Variants in WBP2 observed in about 807,000 individuals in gnomAD.
WBP2 encodes WW domain-binding protein 2.
Under a neutral mutation model 33.0 loss-of-function variants are expected in WBP2, and 23 were observed. The ratio of observed to expected loss-of-function variants is 0.70; its 90% confidence interval spans 0.50 to 0.99. WBP2 has a LOEUF of 0.99. Ranked by LOEUF, WBP2 falls within the 50% of genes least tolerant of loss-of-function variation. The probability of loss-of-function intolerance (pLI) is 0.00; values close to 1 mark genes in which losing one functional copy is unlikely to be tolerated. For missense variants in WBP2, 353 were observed against 358.0 expected (o/e 0.99, Z 0.11); for synonymous variants, 153 against 133.5 (o/e 1.15, Z -1.01).
At position 75,851,598 on chromosome 17, in the gene WBP2, C is replaced by G; in HGVS notation, c.138G>C (p.Lys46Asn). 1 of 1,613,808 alleles carries G rather than the reference C, an allele frequency of 6.2e-7. No homozygotes were observed. Residue 46 changes from lysine (K) to asparagine (N), a missense_variant, in exon 2 of 8, where the codon AAG becomes AAC. Physicochemically the swap from Lys to Asn is moderately conservative, Grantham distance 94. Coordinates refer to ENST00000254806, the MANE Select transcript of WBP2 (RefSeq NM_012478.4). ...KNVPEAFKGT[K>N]KGTVYLTPYR... ...AAGGGGTAAGGTAGACAGTGCCTTT[C>G]TTGGTCCCTTTGAAGGCTTCTGGCA...
intron 5 of WBP2, 34 bp downstream of exon 5, chr17:75,847,762 T>C (rs2065003386): frequency 6.5e-7 from 1 of 1,536,172 alleles, no homozygotes; most frequent in African/African-American, 1.4e-5. Context: ...GGTGGGCTCA[T>C]GAGGGGAGTG....
Position 75,847,876 on chromosome 17 carries a change from C to A in WBP2, c.452G>T (p.Gly151Val). ...GACTGGCGGGGGATAGACATAGGCC[C>A]CGCTGGGCATGTAAGAGTAGCCATA... ...GAYGYSYMPS[G>V]AYVYPPPVAN... is the part of the protein sequence containing the mutation. The change falls in exon 5 of 8, where the codon GGG becomes GTG. Residue 151 changes from glycine to valine, a missense_variant. Gly to Val is a moderately radical substitution (Grantham distance 109). Transcript: ENST00000254806. 6.4e-7 allele frequency: 1 copy of A among 1,556,642 alleles called. No individual in the cohort carries two copies.
intron 4 of WBP2, 75 bp from the exon 5 acceptor site, chr17:75,848,005 G>T (rs987688749): frequency 6.5e-7 from 1 of 1,531,402 alleles, no homozygotes; most frequent in Non-Finnish European, 8.9e-7. Context: ...GCTGCCTGCA[G>T]ATGGGAGCTA....
Position 75,849,597 on chromosome 17 carries a change from C to T in WBP2, c.304+7G>A, listed in dbSNP as rs1567826480. The T allele has an allele frequency of 1.9e-6, 3 of 1,613,930 alleles. No individual in the cohort carries two copies. Among genetic ancestry groups the T allele is most frequent in the African/African-American group, 1.3e-5 (1 of 75,062 alleles). On this transcript the variant is annotated splice_region_variant and intron_variant, in intron 3 of 7. Transcript: ENST00000254806. ...CCCATGCGTGTCCCTGAGTTCCCATCACCTACCTCCCGCTTCCGCCTTCAC... is the reference window on the plus strand; with the variant it reads ...CCCATGCGTGTCCCTGAGTTCCCATTACCTACCTCCCGCTTCCGCCTTCAC...
At chr17:75,849,469 G>C in intron 3 of WBP2, 135 bp downstream of exon 3, 2 of 1,129,236 alleles carry the variant, frequency 1.8e-6, no homozygotes, top group South Asian at 3.1e-5. Flanking sequence ...CCCACCAGCT[G>C]GCAGCCCAGA....
chr17:75,851,599 T>C lies in WBP2; in HGVS notation c.137A>G (p.Lys46Arg). Reference sequence around the variant, plus strand: ...AGGGGTAAGGTAGACAGTGCCTTTCTTGGTCCCTTTGAAGGCTTCTGGCAC... The same window carrying C: ...AGGGGTAAGGTAGACAGTGCCTTTCCTGGTCCCTTTGAAGGCTTCTGGCAC... ...KNVPEAFKGT[K>R]KGTVYLTPYR... The change falls in exon 2 of 8, where the codon AAG becomes AGG. Residue 46 changes from lysine (K) to arginine (R), a missense_variant. By Grantham distance (26) the Lys-to-Arg change is conservative. Transcript: ENST00000254806. 1 of 1,613,840 alleles carries C rather than the reference T, an allele frequency of 6.2e-7. No individual in the cohort carries two copies. Among genetic ancestry groups the C allele is most frequent in the Non-Finnish European group, 8.5e-7 (1 of 1,179,780 alleles).
chr17:75,853,643 C>T (rs1345444892), intron 1 of WBP2, among the ~76,000 whole-genome samples: 1 of 152,108 alleles, frequency 6.6e-6, no homozygotes, highest in Non-Finnish European at 1.5e-5. Flanking sequence ...TGAGGTGTCT[C>T]TGATTACATG....
At position 75,848,678 on chromosome 17, in the gene WBP2, C is replaced by G. The variant is rs780385071; in HGVS notation, c.305-16G>C. On this transcript the variant is annotated splice_polypyrimidine_tract_variant and intron_variant, in intron 3 of 7. Coordinates refer to ENST00000254806, the MANE Select transcript of WBP2 (RefSeq NM_012478.4). ...TCCCAGCCACCTGAAAGGGGAAGGACAGTGAATAAACAGCACAGGAAAAGA... is the reference window on the plus strand; with the variant it reads ...TCCCAGCCACCTGAAAGGGGAAGGAGAGTGAATAAACAGCACAGGAAAAGA... The G allele has an allele frequency of 1.2e-6, 2 of 1,605,698 alleles. No homozygotes were observed. The highest frequency in any genetic ancestry group is 1.7e-5 in the Admixed American group (1 of 59,754).
chr17:75,848,826 T>C, intron 3 of WBP2, 164 bp from the exon 4 acceptor site: 2 of 658,642 alleles, frequency 3.0e-6, no homozygotes, highest in South Asian at 1.7e-5. Context: ...TCCAGCCTGC[T>C]GCCTGCATAG....
At position 75,846,900 on chromosome 17, in the gene WBP2, C is replaced by G; in HGVS notation, c.732+8G>C. The stretch of plus-strand genomic sequence containing the variant: ...TGGGGCTGCACCGGCACTGCCAAGC[C>G]CTCTCACCGTGGGCATGTAGACGTT... On this transcript the variant is annotated splice_region_variant and intron_variant, in intron 7 of 7. Coordinates refer to ENST00000254806, the MANE Select transcript of WBP2 (RefSeq NM_012478.4). This position sits in a 1 kb window ranked among gnomAD's most constrained non-coding sequence, Gnocchi z 4.8. The G allele has an allele frequency of 1.2e-6, 2 of 1,614,096 alleles. No individual in the cohort carries two copies. The highest frequency in any genetic ancestry group is 1.7e-6 in the Non-Finnish European group (2 of 1,179,980).
upstream of WBP2, chr17:75,855,460 C>T: frequency 1.4e-6 from 1 of 697,454 alleles, no homozygotes. Flanking sequence ...TAGTTTACTC[C>T]CTCCTTCCAG....
At chr17:75,848,025 A>C in intron 4 of WBP2, 95 bp from the exon 5 acceptor site, 3 of 1,480,454 alleles carry the variant, frequency 2.0e-6, no homozygotes, top group Non-Finnish European at 2.8e-6. Context: ...ACTGGGTCTC[A>C]GGAATGTGCC....
chr17:75,851,026 C>T (rs887387220), intron 2 of WBP2, among the ~76,000 whole-genome samples: 1 of 152,204 alleles, frequency 6.6e-6, no homozygotes, highest in Non-Finnish European at 1.5e-5. Context: ...TAGCCACAGG[C>T]AGCAATCCTT....
At chr17:75,850,428 GGA>G (rs2065021466) in intron 2 of WBP2, among the ~76,000 whole-genome samples, 1 of 152,012 alleles carries the variant, frequency 6.6e-6, no homozygotes, top group Admixed American at 6.6e-5. Flanking sequence ...TGTAGTTTTA[GGA>G]GAGATGGGGT....
At chr17:75,851,485 G>T in intron 2 of WBP2, 83 bp downstream of exon 2, 1 of 1,059,196 alleles carries the variant, frequency 9.4e-7, no homozygotes, top group Non-Finnish European at 1.5e-6. Flanking sequence ...GACTCATGAG[G>T]CTGAGGCAGA....
rs75897328 is a variant in WBP2, at chr17:75,847,675, G to T, written c.533-66C>A. 1.9e-3 allele frequency: 3,035 copies of T among 1,605,088 alleles called. 44 individuals carry two copies. The African/African-American group carries it at 0.03, about 16-fold the overall frequency. ...GCTGCGGCCCCCTCCCGGGTGAGGG[G>T]GGCCTCTCCAGCTCCTTCGTTGGTC... On this transcript the variant is annotated intron_variant, in intron 5 of 7. Transcript: ENST00000254806.
At chr17:75,849,797 T>C in intron 2 of WBP2, 58 bp from the exon 3 acceptor site, 1 of 1,595,160 alleles carries the variant, frequency 6.3e-7, no homozygotes, top group Non-Finnish European at 8.6e-7. Context: ...GCTGCCATGC[T>C]TCCCGCCTGC....
At chr17:75,847,059 C>A in intron 6 of WBP2, 75 bp from the exon 7 acceptor site, 1 of 1,553,446 alleles carries the variant, frequency 6.4e-7, no homozygotes, top group Non-Finnish European at 8.8e-7. Context: ...CCCCGGGCCC[C>A]CATGGCTCGG....
chr17:75,848,164 G>A (rs1385290693), intron 4 of WBP2: 3 of 622,930 alleles, frequency 4.8e-6, no homozygotes, highest in Non-Finnish European at 8.4e-6. Context: ...GGCAAGGCTG[G>A]AGGGTGGACA....
Sources: allele counts gnomAD v4.1 joint callset (sites outside exome capture counted in the v4.1 genomes callset), GRCh38; gene constraint gnomAD v4.1.1; non-coding constraint Gnocchi (gnomAD v3.1); transcripts MANE v1.5; gene names NCBI Gene and HGNC (gene_info 2026-07-23, HGNC 2026-07-21).